EGLN1: variants seen among roughly 807,000 people sequenced by gnomAD.
EGLN1 encodes the protein egl nine homolog 1.
A neutral mutation model predicts 38.3 loss-of-function variants in EGLN1; 17 were observed. That is an observed-to-expected ratio of 0.44 (90% CI 0.30 to 0.67). EGLN1 has a LOEUF of 0.67. Ranked by LOEUF, EGLN1 falls within the 30% of genes least tolerant of loss-of-function variation. The pLI is 0.08. For missense variants in EGLN1, 477 were observed against 603.3 expected (o/e 0.79, Z 2.19); for synonymous variants, 283 against 257.5 (o/e 1.10, Z -0.95).
intron 1 of EGLN1, among the ~76,000 whole-genome samples, chr1:231,374,937 C>G (rs1435506207): frequency 6.6e-6 from 1 of 152,130 alleles, no homozygotes; most frequent in Non-Finnish European, 1.5e-5. Context: ...ATAAAAAGCA[C>G]AAAATAACTT....
intron 1 of EGLN1, among the ~76,000 whole-genome samples, chr1:231,397,460 A>C (rs1416913): frequency 0.54 from 82,537 of 151,732 alleles, 24,029 homozygotes; most frequent in Non-Finnish European, 0.65. Context: ...CAGGCCAAAT[A>C]TGGCCTACCA....
chr1:231,388,925 G>C (rs1238522475), intron 1 of EGLN1, among the ~76,000 whole-genome samples: 1 of 152,176 alleles, frequency 6.6e-6, no homozygotes, highest in Non-Finnish European at 1.5e-5. Context: ...AAAATGCTAG[G>C]ATTACAGGCG....
At chr1:231,368,245 A>AT (rs2102891184) in intron 3 of EGLN1, among the ~76,000 whole-genome samples, 1 of 152,326 alleles carries the variant, frequency 6.6e-6, no homozygotes. Context: ...GAAAAAGCAC[A>AT]TTATCAATAG....
intron 1 of EGLN1, among the ~76,000 whole-genome samples, chr1:231,377,162 A>G (rs1199038778): frequency 2.0e-5 from 3 of 152,228 alleles, no homozygotes; most frequent in Admixed American, 6.5e-5. Flanking sequence ...GCCATGTCCT[A>G]TCTAAGTAAT....
chr1:231,417,565 T>G (rs1249174747), intron 1 of EGLN1, among the ~76,000 whole-genome samples: 1 of 152,020 alleles, frequency 6.6e-6, no homozygotes, highest in African/African-American at 2.4e-5. Flanking sequence ...TTGAGACTCT[T>G]CTTGATGAAA....
chr1:231,373,907 A>G, intron 2 of EGLN1, 73 bp downstream of exon 2: 1 of 1,545,744 alleles, frequency 6.5e-7, no homozygotes, highest in Non-Finnish European at 8.9e-7. Flanking sequence ...GTCTTATCAG[A>G]AGTATGAAAC....
intron 1 of EGLN1, among the ~76,000 whole-genome samples, chr1:231,389,190 GAAGT>G (rs1412536940): frequency 6.6e-6 from 1 of 152,168 alleles, no homozygotes; most frequent in Non-Finnish European, 1.5e-5. Context: ...ATACTATACA[GAAGT>G]AATAACCAGC....
chr1:231,414,443 A>G (rs977402547), intron 1 of EGLN1, among the ~76,000 whole-genome samples: 2 of 152,264 alleles, frequency 1.3e-5, no homozygotes, highest in East Asian at 1.9e-4. Flanking sequence ...AAAGGAAAAC[A>G]GGAGTAAACT....
At chr1:231,388,482 G>A (rs2808593) in intron 1 of EGLN1, among the ~76,000 whole-genome samples, 1 of 151,732 alleles carries the variant, frequency 6.6e-6, no homozygotes, top group African/African-American at 2.4e-5. Flanking sequence ...TCTCTGTCTC[G>A]CTCTCTGTCT....
rs569241429 is a variant in EGLN1, at chr1:231,391,682, T to C, written c.892-17583A>G. 1.7e-4 allele frequency among the ~76,000 whole-genome samples: 26 copies of C among 152,298 alleles called. No individual in the cohort carries two copies. In the South Asian group the frequency reaches 3.9e-3, roughly 23 times the overall value. ...ACATGAGACTATCTTTTTATTTTTG[T>C]GAATAACCAATTTGAATAAGTAAAC... On this transcript the variant is annotated intron_variant, in intron 1 of 4. Coordinates refer to ENST00000366641, the MANE Select transcript of EGLN1 (RefSeq NM_022051.3).
At chr1:231,367,972 A>G (rs1687699839) in intron 3 of EGLN1, among the ~76,000 whole-genome samples, 1 of 152,194 alleles carries the variant, frequency 6.6e-6, no homozygotes, top group African/African-American at 2.4e-5. Context: ...TCATGAAGTC[A>G]GGACTTCGAG....
intron 1 of EGLN1, among the ~76,000 whole-genome samples, chr1:231,398,753 G>A (rs202145662): frequency 7.2e-6 from 1 of 139,704 alleles, no homozygotes; most frequent in Admixed American, 7.3e-5. Context: ...GCTACTGGGG[G>A]AAAAAATACA....
At chr1:231,414,195 G>A (rs1330156577) in intron 1 of EGLN1, among the ~76,000 whole-genome samples, 2 of 151,996 alleles carry the variant, frequency 1.3e-5, no homozygotes, top group Non-Finnish European at 1.5e-5. Flanking sequence ...AGGGCACAGT[G>A]GAAAAGAAGG....
At chr1:231,395,352 A>C (rs1688494316) in intron 1 of EGLN1, among the ~76,000 whole-genome samples, 1 of 152,228 alleles carries the variant, frequency 6.6e-6, no homozygotes, top group Non-Finnish European at 1.5e-5. Context: ...GTGATCTTGC[A>C]GGGTAAACCT....
rs150788441 is a variant in EGLN1 at position 231,399,911 on chromosome 1, A to C, written c.891+21087T>G. On this transcript the variant is annotated intron_variant, in intron 1 of 4. Coordinates refer to ENST00000366641, the MANE Select transcript of EGLN1 (RefSeq NM_022051.3). ...TTTACAAGGGGAATAACAACTTTCA[A>C]AAGTTTAGTTTTAGAACATCACTTG... Among the ~76,000 whole-genome samples the C allele has an allele frequency of 1.5e-3, 222 of 152,256 alleles. 3 individuals are homozygous for C. In the East Asian group the frequency reaches 0.017, roughly 12 times the overall value.
intron 1 of EGLN1, among the ~76,000 whole-genome samples, chr1:231,387,240 C>T (rs571669873): frequency 6.6e-6 from 1 of 151,484 alleles, no homozygotes; most frequent in East Asian, 1.9e-4. Flanking sequence ...TATGTATACA[C>T]ACACACACAC....
chr1:231,421,730 C>T lies in EGLN1; in HGVS notation c.159G>A (p.Lys53=), dbSNP rs2102948166. 3.9e-6 allele frequency: 6 copies of T among 1,536,088 alleles called. No individual in the cohort carries two copies. Among genetic ancestry groups the T allele is most frequent in the Non-Finnish European group, 5.2e-6 (6 of 1,149,304 alleles). Residue 53 remains lysine (K), a synonymous_variant, in exon 1 of 5, where the codon AAG becomes AAA. Coordinates refer to ENST00000366641, the MANE Select transcript of EGLN1 (RefSeq NM_022051.3). This position sits in a 1 kb window ranked among gnomAD's most constrained non-coding sequence, Gnocchi z 5.5. Reference sequence around the variant, plus strand: ...CGCTGCCCTGGCACACGAGCTTGTGCTTCTTCCAGTCCTGACGCTGGTGCT... The same window carrying T: ...CGCTGCCCTGGCACACGAGCTTGTGTTTCTTCCAGTCCTGACGCTGGTGCT... ...CKEHQRQDWK[K]HKLVCQGSEG... is the part of the protein sequence containing the mutation.
intron 1 of EGLN1, among the ~76,000 whole-genome samples, chr1:231,386,711 A>G (rs922201609): frequency 6.6e-6 from 1 of 152,218 alleles, no homozygotes; most frequent in African/African-American, 2.4e-5. Flanking sequence ...GAATAAATCA[A>G]TTAATGATTT....
chr1:231,421,099 G>C lies in EGLN1; in HGVS notation c.790C>G (p.Pro264Ala). The C allele has an allele frequency of 6.2e-7, 1 of 1,614,160 alleles. No homozygotes were observed. Among genetic ancestry groups the C allele is most frequent in the Non-Finnish European group, 8.5e-7 (1 of 1,180,020 alleles). ...DKITWIEGKE[P>A]GCETIGLLMS... ...AGCAGCCCAATGGTTTCGCAGCCGG[G>C]CTCCTTGCCCTCGATCCAGGTGATC... Residue 264 changes from proline (P) to alanine (A), a missense_variant, in exon 1 of 5, where the codon CCC becomes GCC. Pro to Ala is a conservative substitution (Grantham distance 27, BLOSUM62 -1). This residue lies in a region of EGLN1 where 119 missense variants were observed against 179.0 expected (regional missense o/e 0.66). Transcript: ENST00000366641. The surrounding 1 kb of genome is among the most constrained non-coding windows in gnomAD (Gnocchi z 5.5).
Sources: gnomAD v4.1 joint callset for allele counts (sites outside exome capture counted in the v4.1 genomes callset) on GRCh38, gnomAD v4.1.1 for gene constraint, gnomAD v4.1.1 regional missense constraint, Gnocchi (gnomAD v3.1) non-coding constraint, MANE v1.5 for transcripts, NCBI Gene and HGNC (gene_info 2026-07-23, HGNC 2026-07-21) for gene names.